GREB1L: variants seen among roughly 807,000 people sequenced by gnomAD.
GREB1L encodes GREB1 like retinoic acid receptor coactivator.
In GREB1L, 17 loss-of-function variants were observed where a neutral mutation model predicts 200.8. The ratio of observed to expected loss-of-function variants is 0.08; its 90% CI spans 0.06 to 0.13. The LOEUF is 0.13. Among genes scored for constraint, GREB1L ranks in the 10% least tolerant of loss-of-function variants. GREB1L has a pLI of 1.00. For missense variants in GREB1L, 1,657 were observed against 2,367.7 expected (o/e 0.70, Z 6.23); for synonymous variants, 789 against 893.0 (o/e 0.88, Z 2.08).
intron 4 of GREB1L, among the ~76,000 whole-genome samples, chr18:21,386,540 C>T (rs571259241): frequency 4.5e-4 from 67 of 150,346 alleles, no homozygotes; most frequent in Non-Finnish European, 7.8e-4. Flanking sequence ...CCACCCTCCT[C>T]GGCTCCCAAA....
At chr18:21,362,823 C>A (rs552831014) in intron 1 of GREB1L, among the ~76,000 whole-genome samples, 1 of 152,272 alleles carries the variant, frequency 6.6e-6, no homozygotes, top group Admixed American at 6.5e-5. Context: ...ACAGTCACAA[C>A]GAAAGTCCTA....
chr18:21,344,027 A>C lies in GREB1L; in HGVS notation c.-119-22000A>C, dbSNP rs1221338562. ...TGACCTCAAGCAGTCCACCTGCCTT[A>C]GTCCCCCAAAGTGTTAGGATTACAG... is the stretch of plus-strand genomic sequence containing the variant. On this transcript the variant is annotated intron_variant, in intron 1 of 32. Coordinates refer to ENST00000424526, the MANE Select transcript of GREB1L (RefSeq NM_001142966.3). Among the ~76,000 whole-genome samples, 3 of 152,282 alleles carry C rather than the reference A, an allele frequency of 2.0e-5. No homozygotes were observed. The East Asian group carries it at 5.8e-4, about 30-fold the overall frequency.
intron 15 of GREB1L, among the ~76,000 whole-genome samples, chr18:21,462,999 T>A (rs1019059347): frequency 7.2e-5 from 11 of 152,132 alleles, no homozygotes; most frequent in African/African-American, 2.4e-4. Context: ...ATGTGACATA[T>A]CCTATGGGGA....
intron 15 of GREB1L, among the ~76,000 whole-genome samples, chr18:21,465,882 C>T (rs773477287): frequency 2.6e-5 from 4 of 152,080 alleles, no homozygotes; most frequent in Admixed American, 6.6e-5. Context: ...CTCCCTGGTG[C>T]GCCTCCTTGA....
At chr18:21,468,926 T>C (rs2035373377) in intron 15 of GREB1L, 5 of 381,444 alleles carry the variant, frequency 1.3e-5, no homozygotes, top group Non-Finnish European at 2.1e-5. Flanking sequence ...AGTGATACTG[T>C]GTCCTCATTG....
At chr18:21,416,964 G>C (rs2031699854) in intron 7 of GREB1L, among the ~76,000 whole-genome samples, 1 of 151,950 alleles carries the variant, frequency 6.6e-6, no homozygotes, top group Non-Finnish European at 1.5e-5. Context: ...AAGTTGCAGT[G>C]AGCTGAGATC....
At chr18:21,270,776 G>T (rs2038065744) in intron 1 of GREB1L, among the ~76,000 whole-genome samples, 1 of 152,204 alleles carries the variant, frequency 6.6e-6, no homozygotes, top group Non-Finnish European at 1.5e-5. Context: ...TTCTCAATGG[G>T]TTATTTCACT....
intron 1 of GREB1L, among the ~76,000 whole-genome samples, chr18:21,284,799 G>A (rs1240329201): frequency 1.3e-5 from 2 of 152,128 alleles, no homozygotes; most frequent in Non-Finnish European, 2.9e-5. Context: ...CCATTGCCAA[G>A]GTATGAGGTT....
chr18:21,249,777 T>C (rs1196166162), intron 1 of GREB1L, among the ~76,000 whole-genome samples: 1 of 151,944 alleles, frequency 6.6e-6, no homozygotes, highest in Non-Finnish European at 1.5e-5. Context: ...GGAGAATCAT[T>C]TGAACTCCGG....
chr18:21,390,331 G>A (rs2040744253), intron 4 of GREB1L, among the ~76,000 whole-genome samples: 1 of 151,940 alleles, frequency 6.6e-6, no homozygotes, highest in Admixed American at 6.6e-5. Flanking sequence ...GCCTCAGGCA[G>A]GTCCTTTAGG....
chr18:21,411,736 C>T (rs1448967593), intron 7 of GREB1L, among the ~76,000 whole-genome samples: 3 of 152,024 alleles, frequency 2.0e-5, no homozygotes, highest in Non-Finnish European at 4.4e-5. Flanking sequence ...CAGGAAACAA[C>T]TAAAGTGTTC....
intron 15 of GREB1L, among the ~76,000 whole-genome samples, chr18:21,462,655 G>T (rs1314050479): frequency 6.6e-6 from 1 of 152,076 alleles, no homozygotes; most frequent in Non-Finnish European, 1.5e-5. Flanking sequence ...TCGCCATGTT[G>T]ACCAGGCTGG....
At chr18:21,347,922 A>AC (rs1482015930) in intron 1 of GREB1L, among the ~76,000 whole-genome samples, 98 of 128,752 alleles carry the variant, frequency 7.6e-4, no homozygotes, top group South Asian at 1.5e-3. Flanking sequence ...ACGTGCCACC[A>AC]CACTCGGCTA....
chr18:21,376,811 T>TC (rs1181421590), intron 2 of GREB1L, among the ~76,000 whole-genome samples: 4 of 68,852 alleles, frequency 5.8e-5, no homozygotes, highest in African/African-American at 3.3e-4. Flanking sequence ...AGAGTCCGTC[T>TC]CAAAAAAAAA....
intron 1 of GREB1L, among the ~76,000 whole-genome samples, chr18:21,306,672 A>C (rs974459052): frequency 4.6e-5 from 7 of 152,232 alleles, no homozygotes; most frequent in African/African-American, 1.7e-4. Context: ...TCAGTGTGGT[A>C]AACAGCAGTT....
chr18:21,327,833 C>T (rs1382720449), intron 1 of GREB1L, among the ~76,000 whole-genome samples: 2 of 152,076 alleles, frequency 1.3e-5, no homozygotes, highest in Non-Finnish European at 1.5e-5. Flanking sequence ...CTGCCTCAGC[C>T]TCCCGAGTAG....
intron 1 of GREB1L, among the ~76,000 whole-genome samples, chr18:21,305,457 A>AT (rs922627342): frequency 1.3e-5 from 2 of 151,320 alleles, no homozygotes; most frequent in Non-Finnish European, 2.9e-5. Context: ...TGCTCTTTTT[A>AT]TTTTTTCTTT....
At chr18:21,247,782 A>G (rs1567907076) in intron 1 of GREB1L, among the ~76,000 whole-genome samples, 2 of 152,288 alleles carry the variant, frequency 1.3e-5, no homozygotes, top group South Asian at 2.1e-4. Context: ...TAATGTCACT[A>G]CCCTTCTAGG....
intron 2 of GREB1L, among the ~76,000 whole-genome samples, chr18:21,372,853 G>A (rs1306305319): frequency 6.6e-6 from 1 of 152,172 alleles, no homozygotes; most frequent in Non-Finnish European, 1.5e-5. Flanking sequence ...CCTGGGAGGT[G>A]GAGGTGGCGG....
Sources: allele counts gnomAD v4.1 joint callset (sites outside exome capture counted in the v4.1 genomes callset), GRCh38; gene constraint gnomAD v4.1.1; transcripts MANE v1.5; gene names NCBI Gene and HGNC (gene_info 2026-07-23, HGNC 2026-07-21).